TFE3: variants seen among roughly 807,000 people sequenced by gnomAD.
TFE3 encodes the protein transcription factor binding to IGHM enhancer 3.
In TFE3, 5 loss-of-function variants were observed where a neutral mutation model predicts 35.0. The observed-to-expected ratio is 0.14, with a 90% CI of 0.07 to 0.30. TFE3 has a LOEUF of 0.30. TFE3 is among the 10% of genes least tolerant of loss of function. The pLI, the probability that TFE3 is intolerant of heterozygous loss-of-function variation, is 1.00. For synonymous variants in TFE3, 211 were observed against 215.6 expected (o/e 0.98, Z 0.18); for missense variants, 374 against 496.6 (o/e 0.75, Z 2.35).
chrX:49,030,096 C>G lies in TFE3; in HGVS notation c.*62G>C. The G allele has an allele frequency of 8.9e-7, 1 of 1,121,727 alleles. No homozygotes were observed. The highest frequency in any genetic ancestry group is 2.0e-5 in the South Asian group (1 of 50,929). 92.4% of individuals were successfully genotyped at this position (1,121,727 alleles called of 1,213,427 possible). ...TGGGAGGGTGGGGGAAAAGGCGGGG[C>G]CTCATCCTGACTGGTCCTCCTTTCC... On this transcript the variant is annotated 3_prime_UTR_variant, in exon 10 of 10. Transcript: ENST00000315869.
intron 5 of TFE3, among the ~76,000 whole-genome samples, chrX:49,036,619 C>T (rs1471459539): frequency 1.8e-5 from 2 of 108,844 alleles, no homozygotes; most frequent in East Asian, 2.9e-4. Context: ...CTGGGTAACA[C>T]GGTGAAACCC....
chrX:49,038,141 G>T (rs782400823), intron 4 of TFE3, 27 bp from the exon 5 acceptor site: 7 of 1,211,578 alleles, frequency 5.8e-6, no homozygotes, highest in Non-Finnish European at 7.8e-6. Context: ...ATATTATACA[G>T]GTTTAGAAGA....
chrX:49,030,629 A>AT, intron 9 of TFE3, 28 bp from the exon 10 acceptor site: 1 of 1,153,043 alleles, frequency 8.7e-7, no homozygotes, highest in Non-Finnish European at 1.2e-6. Context: ...TGGGTGCAGG[A>AT]TAAGTAGGGT....
chrX:49,036,491 A>T (rs1341981288), intron 5 of TFE3, among the ~76,000 whole-genome samples: 4 of 13,645 alleles, frequency 2.9e-4, no homozygotes, highest in Non-Finnish European at 3.2e-3. Flanking sequence ...AATTCAATAA[A>T]AAATAAATAA....
Position 49,030,548 on chromosome X carries a change from C to T in TFE3, c.1338G>A (p.Gly446=), listed in dbSNP as rs370693170. Residue 446 remains glycine (G), a synonymous_variant, in exon 10 of 10, where the codon GGG becomes GGA. Transcript: ENST00000315869. ...CCGAAGTCGTGGCCAAGGAAAGCAGCCCTGGAGTGGGAGGTACTGGCAGGC... is the reference window on the plus strand; with the variant it reads ...CCGAAGTCGTGGCCAAGGAAAGCAGTCCTGGAGTGGGAGGTACTGGCAGGC... ...IHGLPVPPTP[G]LLSLATTSAS... The T allele has an allele frequency of 8.3e-6, 10 of 1,211,439 alleles. No homozygotes were observed. Among genetic ancestry groups the T allele is most frequent in the Non-Finnish European group, 1.1e-5 (10 of 895,355 alleles).
rs1323077735 is a variant in TFE3, at chrX:49,043,308, C to A, written c.-82G>T. On this transcript the variant is annotated 5_prime_UTR_variant, in exon 1 of 10. Transcript: ENST00000315869. ...TAACAAAATAAGAGTCCCCCCTCCC[C>A]CCAGCTCGCCACCGCCGCCTCCTCC... 2.6e-6 allele frequency: 2 copies of A among 783,978 alleles called. No individual in the cohort carries two copies. Among genetic ancestry groups the A allele is most frequent in the East Asian group, 7.6e-5 (2 of 26,365 alleles). The allele number at this position is 783,978 out of a possible 1,213,427, so 64.6% of individuals were successfully genotyped here.
At position 49,043,325 on chromosome X, in the gene TFE3, G is replaced by T; in HGVS notation, c.-99C>A. 1 of 619,610 alleles carries T rather than the reference G, an allele frequency of 1.6e-6. No homozygotes were observed. Among genetic ancestry groups the T allele is most frequent in the Non-Finnish European group, 2.4e-6 (1 of 424,889 alleles). 51.1% of individuals were successfully genotyped at this position (619,610 alleles called of 1,213,427 possible). A position where few individuals can be genotyped will look rare whatever the true frequency, so the allele number is the denominator to read the frequency against. On this transcript the variant is annotated 5_prime_UTR_variant, in exon 1 of 10. Coordinates refer to ENST00000315869, the MANE Select transcript of TFE3 (RefSeq NM_006521.6). ...CCCCTCCCCCCAGCTCGCCACCGCC[G>T]CCTCCTCCGCTAAGCCATGGAGCTA...
At chrX:49,036,640 A>G (rs1048728100) in intron 5 of TFE3, among the ~76,000 whole-genome samples, 1 of 109,783 alleles carries the variant, frequency 9.1e-6, no homozygotes, top group Non-Finnish European at 1.9e-5. Flanking sequence ...CGTCTCTACT[A>G]AAAATACAAA....
chrX:49,032,201 G>A (rs1371389197), intron 8 of TFE3: 2 of 111,973 alleles, frequency 1.8e-5, no homozygotes, highest in African/African-American at 6.5e-5. Context: ...GCACAAACCA[G>A]AGGTTCAAAA....
At chrX:49,037,878 T>A in intron 5 of TFE3, 132 bp downstream of exon 5, 1 of 559,637 alleles carries the variant, frequency 1.8e-6, no homozygotes, top group Non-Finnish European at 2.9e-6. Context: ...CCTGTTCTCG[T>A]CATAAGGCCT....
At position 49,040,381 on chromosome X, in the gene TFE3, G is replaced by T. The variant is rs971783738; in HGVS notation, c.230+74C>A. On this transcript the variant is annotated intron_variant, in intron 2 of 9. Transcript: ENST00000315869. The stretch of plus-strand genomic sequence containing the variant: ...AAGAATGGGTTGGGCTGGTACTGAG[G>T]GCCTCTGCCCATCAAGAGGGGAGAG... 4 of 803,852 alleles carry T rather than the reference G, an allele frequency of 5.0e-6. No individual in the cohort carries two copies. In the Admixed American group the frequency reaches 7.0e-5, roughly 14 times the overall value. The allele number at this position is 803,852 out of a possible 1,213,427, so 66.2% of individuals were successfully genotyped here.
At chrX:49,040,742 C>T (rs181983885) in intron 1 of TFE3, among the ~76,000 whole-genome samples, 174 bp from the exon 2 acceptor site, 2 of 107,632 alleles carry the variant, frequency 1.9e-5, no homozygotes, top group East Asian at 5.8e-4. Context: ...CACCTCCTTC[C>T]CCCATCCCCC....
intron 8 of TFE3, among the ~76,000 whole-genome samples, chrX:49,032,735 C>T (rs1278182047): frequency 9.1e-4 from 98 of 107,881 alleles, no homozygotes; most frequent in Non-Finnish European, 1.4e-3. Flanking sequence ...AGTGCAGTGG[C>T]ACCATATTGG....
chrX:49,040,657 G>C lies in TFE3; in HGVS notation c.117-89C>G, dbSNP rs782457379. On this transcript the variant is annotated intron_variant, in intron 1 of 9. Transcript: ENST00000315869. Reference sequence around the variant, plus strand: ...TGAGACAGAGAAAGAGAGAGAGAGGGGGGGAGAACGAAGAGGAGGGTACAA... The same window carrying C: ...TGAGACAGAGAAAGAGAGAGAGAGGCGGGGAGAACGAAGAGGAGGGTACAA... 10 of 631,234 alleles carry C rather than the reference G, an allele frequency of 1.6e-5. No individual in the cohort carries two copies. In the East Asian group the frequency reaches 2.4e-4, roughly 15 times the overall value. 52.0% of individuals were successfully genotyped at this position (631,234 alleles called of 1,213,427 possible). A position where few individuals can be genotyped will look rare whatever the true frequency, so the allele number is the denominator to read the frequency against.
Position 49,039,346 on chromosome X carries a change from C to G in TFE3, c.295G>C (p.Gly99Arg). Residue 99 changes from glycine (G) to arginine (R), a missense_variant, in exon 3 of 10, where the codon GGG (glycine) becomes CGG (arginine). By Grantham distance (125) the Gly-to-Arg change is moderately radical. Coordinates refer to ENST00000315869, the MANE Select transcript of TFE3 (RefSeq NM_006521.6). ...PATLSASSSA[G>R]GSRTPAMSSS... ...GACATGGCAGGGGTCCTGGAGCCCC[C>G]TGCAGAAGACGATGCAGAGAGTGTA... The G allele has an allele frequency of 8.3e-7, 1 of 1,206,888 alleles. No homozygotes were observed. Among genetic ancestry groups the G allele is most frequent in the Non-Finnish European group, 1.1e-6 (1 of 893,015 alleles).
intron 2 of TFE3, among the ~76,000 whole-genome samples, chrX:49,040,094 G>A (rs1422794477): frequency 3.6e-5 from 4 of 110,516 alleles, no homozygotes; most frequent in African/African-American, 1.3e-4. Flanking sequence ...TGTGGGAAGG[G>A]ACTGAGTTGG....
Position 49,028,840 on chromosome X carries a change from C to T in TFE3, c.*1318G>A. The stretch of plus-strand genomic sequence containing the variant: ...CCTGGCCCCAGCAATCCAAAGCTGA[C>T]AACCTTGGGTGTAGGTATGAGGGGT... On this transcript the variant is annotated 3_prime_UTR_variant, in exon 10 of 10. Coordinates refer to ENST00000315869, the MANE Select transcript of TFE3 (RefSeq NM_006521.6). 5.8e-6 allele frequency: 1 copy of T among 173,215 alleles called. No homozygotes were observed. The highest frequency in any genetic ancestry group is 1.1e-5 in the Non-Finnish European group (1 of 89,981). The allele number at this position is 173,215 out of a possible 1,213,427, so 14.3% of individuals were successfully genotyped here. A position where few individuals can be genotyped will look rare whatever the true frequency, so the allele number is the denominator to read the frequency against.
intron 3 of TFE3, among the ~76,000 whole-genome samples, chrX:49,038,891 G>A (rs2064745158): frequency 9.0e-6 from 1 of 110,879 alleles, no homozygotes; most frequent in Non-Finnish European, 1.9e-5. Context: ...ACATCCTCAT[G>A]GCCCCCACGA....
chrX:49,035,023 A>G (rs2064720067), intron 5 of TFE3, among the ~76,000 whole-genome samples: 1 of 109,574 alleles, frequency 9.1e-6, no homozygotes, highest in African/African-American at 3.3e-5. Flanking sequence ...TCTTAAGTAT[A>G]CCCAGGGCCA....
Sources: allele counts gnomAD v4.1 joint callset (sites outside exome capture counted in the v4.1 genomes callset), GRCh38; gene constraint gnomAD v4.1.1; transcripts MANE v1.5; gene names NCBI Gene and HGNC (gene_info 2026-07-23, HGNC 2026-07-21).